The following CPNE4 variants were observed in gnomAD, a reference collection of about 807,000 sequenced individuals.
The protein encoded by CPNE4 is copine 4, also known as copine-4.
A neutral mutation model predicts 67.9 loss-of-function variants in CPNE4; 25 were observed. The observed-to-expected ratio is 0.37, with a 90% CI of 0.27 to 0.51. The LOEUF (loss-of-function observed/expected upper bound fraction) is 0.51, where lower values mean the gene tolerates loss of function less well. CPNE4 is among the 20% of genes least tolerant of loss of function. CPNE4 has a pLI of 0.93. For synonymous variants in CPNE4, 242 were observed against 244.9 expected, an observed-to-expected ratio of 0.99 and a Z score of 0.11; for missense variants, 464 against 690.8, an observed-to-expected ratio of 0.67 and a Z score of 3.68.
intron 7 of CPNE4, among the ~76,000 whole-genome samples, chr3:131,628,572 A>G (rs919418953): frequency 3.9e-5 from 6 of 152,274 alleles, no homozygotes; most frequent in African/African-American, 1.4e-4. Context: ...CCTCAATTTC[A>G]GAGCCTGTTA....
At position 131,832,005 on chromosome 3, in the gene CPNE4, T is replaced by C. The variant is rs558218604; in HGVS notation, c.180+73259A>G. ...ATTCCCTTCTTGGTCAAAAAGATTC[T>C]TAGCTTTTAGTTTTAATGACCAAAA... On this transcript the variant is annotated intron_variant, in intron 2 of 15. Coordinates refer to ENST00000429747, the MANE Select transcript of CPNE4 (RefSeq NM_130808.3). Among the ~76,000 whole-genome samples the C allele has an allele frequency of 1.3e-4, 20 of 152,228 alleles. 1 individual carries two copies. In the South Asian group the frequency reaches 4.1e-3, roughly 32 times the overall value.
intron 1 of CPNE4, among the ~76,000 whole-genome samples, chr3:132,030,826 T>C (rs2074220629): frequency 6.6e-6 from 1 of 152,240 alleles, no homozygotes; most frequent in Non-Finnish European, 1.5e-5. Context: ...GGCACTAATA[T>C]GTTTTTATTA....
Position 131,778,984 on chromosome 3 carries a change from A to G in CPNE4, c.181-55359T>C, listed in dbSNP as rs77441197. On this transcript the variant is annotated intron_variant, in intron 2 of 15. Coordinates refer to ENST00000429747, the MANE Select transcript of CPNE4 (RefSeq NM_130808.3). ...TCTAGATCTAATAAACAACTTCAAC[A>G]AAGTTTTATGATACAGAATCAATGT... is the stretch of plus-strand genomic sequence containing the variant. Among the ~76,000 whole-genome samples the G allele has an allele frequency of 5.1e-3, 778 of 152,216 alleles. 7 individuals are homozygous for G. The highest frequency in any genetic ancestry group is 0.018 in the African/African-American group (756 of 41,568).
chr3:131,882,021 G>A (rs1490997468), intron 2 of CPNE4, among the ~76,000 whole-genome samples: 3 of 152,054 alleles, frequency 2.0e-5, no homozygotes, highest in Admixed American at 2.0e-4. Flanking sequence ...TAATGTGACA[G>A]GTTATTAAAT....
chr3:131,951,564 T>C (rs1036314563), intron 1 of CPNE4, among the ~76,000 whole-genome samples: 1 of 147,332 alleles, frequency 6.8e-6, no homozygotes, highest in Non-Finnish European at 1.5e-5. Flanking sequence ...TCCCTCTCTT[T>C]CCACGGTCTC....
chr3:131,539,838 G>A (rs980668868), intron 15 of CPNE4, among the ~76,000 whole-genome samples: 1 of 152,166 alleles, frequency 6.6e-6, no homozygotes, highest in African/African-American at 2.4e-5. Context: ...TATTTTGTCT[G>A]TCTGAAAAGA....
At chr3:131,684,716 C>G (rs1242297451) in intron 6 of CPNE4, among the ~76,000 whole-genome samples, 2 of 152,202 alleles carry the variant, frequency 1.3e-5, no homozygotes, top group African/African-American at 4.8e-5. Context: ...GCAAGCATAA[C>G]TGGGTCTTCT....
Position 131,563,996 on chromosome 3 carries a change from G to C in CPNE4, c.1061+220C>G, listed in dbSNP as rs1502662. Among the ~76,000 whole-genome samples the C allele has an allele frequency of 7.2e-3, 1,092 of 152,140 alleles. 17 individuals are homozygous for C. The highest frequency in any genetic ancestry group is 0.025 in the African/African-American group (1,036 of 41,540). The stretch of plus-strand genomic sequence containing the variant: ...ACCAAAATTGCTATCCAATCGTCTT[G>C]CAAGTCAATTGAGAGAAGAAGGCTG... On this transcript the variant is annotated intron_variant, in intron 11 of 15. Transcript: ENST00000429747.
chr3:131,798,649 A>G (rs2083987706), intron 2 of CPNE4, among the ~76,000 whole-genome samples: 1 of 152,094 alleles, frequency 6.6e-6, no homozygotes, highest in Non-Finnish European at 1.5e-5. Context: ...GTTTTTTGTG[A>G]TATTTGAGAG....
At chr3:131,978,653 T>C (rs929508381) in intron 1 of CPNE4, among the ~76,000 whole-genome samples, 10 of 143,310 alleles carry the variant, frequency 7.0e-5, no homozygotes, top group African/African-American at 2.6e-4. Flanking sequence ...CAGCTTTTTG[T>C]TTCATTTACC....
chr3:131,675,266 G>C (rs1487640805), intron 6 of CPNE4, among the ~76,000 whole-genome samples: 4 of 152,150 alleles, frequency 2.6e-5, no homozygotes. Flanking sequence ...ATGTGCTGAA[G>C]AGAAGAATGC....
chr3:131,848,380 C>A (rs1187259896), intron 2 of CPNE4, among the ~76,000 whole-genome samples: 1 of 152,130 alleles, frequency 6.6e-6, no homozygotes, highest in Non-Finnish European at 1.5e-5. Context: ...CCTACTTTAT[C>A]TCATCACACT....
At chr3:131,570,302 TCTC>T (rs1937267618) in intron 10 of CPNE4, among the ~76,000 whole-genome samples, 2 of 150,014 alleles carry the variant, frequency 1.3e-5, no homozygotes, top group African/African-American at 5.0e-5. Flanking sequence ...TCTACCATTT[TCTC>T]TTTTTATTTA....
At chr3:131,626,008 T>A (rs1029665041) in intron 7 of CPNE4, among the ~76,000 whole-genome samples, 2 of 152,212 alleles carry the variant, frequency 1.3e-5, no homozygotes, top group East Asian at 1.9e-4. Context: ...ATTGTAATTG[T>A]TTTGAGGTGC....
chr3:131,547,455 CAAAA>C lies in CPNE4; in HGVS notation c.1302+2488_1302+2491del, dbSNP rs56412825. On this transcript the variant is annotated intron_variant, in intron 14 of 15. Transcript: ENST00000429747. ...TGGGTGATAGACCAAGACCCTGTCG[CAAAA>C]AAAAAAAAAAAAAAAAAAAAAAAAA... is the stretch of plus-strand genomic sequence containing the variant. Among the ~76,000 whole-genome samples the C allele has an allele frequency of 1.6e-4, 6 of 36,544 alleles. 3 individuals are homozygous for C. The highest frequency in any genetic ancestry group is 2.5e-3 in the South Asian group (2 of 812). 24.0% of individuals were successfully genotyped at this position (36,544 alleles called of 152,430 possible). A position where few individuals can be genotyped will look rare whatever the true frequency, so the allele number is the denominator to read the frequency against.
intron 7 of CPNE4, among the ~76,000 whole-genome samples, chr3:131,660,203 C>T (rs1017175583): frequency 6.6e-6 from 1 of 152,166 alleles, no homozygotes; most frequent in Non-Finnish European, 1.5e-5. Context: ...AAGGTAGGCT[C>T]TCTTTTTAGA....
At chr3:131,954,663 C>T (rs1198505744) in intron 1 of CPNE4, among the ~76,000 whole-genome samples, 2 of 152,142 alleles carry the variant, frequency 1.3e-5, no homozygotes, top group Admixed American at 6.5e-5. Flanking sequence ...CATCCCATGA[C>T]AGGCCCAGTG....
intron 1 of CPNE4, among the ~76,000 whole-genome samples, chr3:131,984,117 G>T (rs1017516153): frequency 6.6e-6 from 1 of 152,116 alleles, no homozygotes. Flanking sequence ...TAACACATTA[G>T]CTAGGCAGGT....
chr3:132,037,765 G>A (rs753379168), upstream of CPNE4: 324 of 602,816 alleles, frequency 5.4e-4, no homozygotes, highest in Admixed American at 8.3e-4. Context: ...CAATATGAAA[G>A]GCATCTCACC....
Sources: allele counts gnomAD v4.1 joint callset (sites outside exome capture counted in the v4.1 genomes callset), GRCh38; gene constraint gnomAD v4.1.1; transcripts MANE v1.5; gene names NCBI Gene and HGNC (gene_info 2026-07-23, HGNC 2026-07-21).